The following NLN variants were observed in gnomAD, a reference collection of about 807,000 sequenced individuals.
NLN encodes the protein neurolysin, mitochondrial.
NLN carries 64 observed loss-of-function variants against 79.9 expected under a neutral mutation model. The observed-to-expected ratio is 0.80, with a 90% CI of 0.65 to 0.99. The LOEUF (loss-of-function observed/expected upper bound fraction) is 0.99. Among genes scored for constraint, NLN ranks in the 50% least tolerant of loss-of-function variants. The probability of loss-of-function intolerance (pLI) is 0.00; values close to 1 mark genes in which losing one functional copy is unlikely to be tolerated. For missense variants in NLN, 835 were observed against 858.7 expected (o/e 0.97, Z 0.34); for synonymous variants, 267 against 296.6 (o/e 0.90, Z 1.02).
chr5:65,747,415 G>A (rs1759005589), intron 1 of NLN, among the ~76,000 whole-genome samples: 1 of 152,182 alleles, frequency 6.6e-6, no homozygotes, highest in African/African-American at 2.4e-5. Context: ...CCTGCTATGA[G>A]AATAGAGAAG....
chr5:65,726,417 A>G lies in NLN; in HGVS notation c.41+4003A>G, dbSNP rs532701722. Among the ~76,000 whole-genome samples, 11 of 152,344 alleles carry G rather than the reference A, an allele frequency of 7.2e-5. No homozygotes were observed. In the South Asian group the frequency reaches 1.9e-3, roughly 26 times the overall value. On this transcript the variant is annotated intron_variant, in intron 1 of 12. Transcript: ENST00000380985. Reference sequence around the variant, plus strand: ...AGTATAGTTTGGTGTCATTGCCTCAATTTGTGCTGAAGTACCAACAGTATT... The same window carrying G: ...AGTATAGTTTGGTGTCATTGCCTCAGTTTGTGCTGAAGTACCAACAGTATT...
chr5:65,732,521 T>C (rs1344784111), intron 1 of NLN, among the ~76,000 whole-genome samples: 131 of 140,462 alleles, frequency 9.3e-4, no homozygotes, highest in South Asian at 2.2e-3. Context: ...TCTCTAATTC[T>C]CTGTCTGTAA....
chr5:65,810,290 A>G, intron 11 of NLN, 125 bp downstream of exon 11: 1 of 835,858 alleles, frequency 1.2e-6, no homozygotes, highest in Middle Eastern at 2.3e-4. Context: ...TAATCAGGCC[A>G]TGACTTTCAG....
chr5:65,809,689 C>A lies in NLN; in HGVS notation c.1702C>A (p.Leu568Met), dbSNP rs759369987. Residue 568 changes from leucine to methionine, a missense_variant, in exon 10 of 13, where the codon CTG becomes ATG. By Grantham distance (15) the Leu-to-Met change is conservative (BLOSUM62 2). Coordinates refer to ENST00000380985, the MANE Select transcript of NLN (RefSeq NM_020726.5). Reference sequence around the variant, plus strand: ...GCTTGAAAAACTTGTTGCTTCTAGGCTGGTCAACACAGGTATGACTTCTAA... The same window carrying A: ...GCTTGAAAAACTTGTTGCTTCTAGGATGGTCAACACAGGTATGACTTCTAA... ...DLLEKLVASR[L>M]VNTGLLTLRQ... 4 of 1,599,246 alleles carry A rather than the reference C, an allele frequency of 2.5e-6. No homozygotes were observed. Among genetic ancestry groups the A allele is most frequent in the Non-Finnish European group, 3.4e-6 (4 of 1,175,284 alleles).
intron 11 of NLN, among the ~76,000 whole-genome samples, chr5:65,810,748 G>A (rs1760526936): frequency 6.6e-6 from 1 of 152,144 alleles, no homozygotes; most frequent in Non-Finnish European, 1.5e-5. Context: ...GGGAGGCTGA[G>A]GCAGGAAGAT....
chr5:65,801,199 A>G (rs552052190), intron 9 of NLN, among the ~76,000 whole-genome samples: 2 of 152,360 alleles, frequency 1.3e-5, no homozygotes, highest in Non-Finnish European at 2.9e-5. Context: ...TGGGAAATAC[A>G]TTAGCATCAA....
chr5:65,810,082 C>A lies in NLN; in HGVS notation c.1760C>A (p.Ser587Tyr). Reference sequence around the variant, plus strand: ...ATTGTTTTGAGCAAAGTTGATCAGTCTCTTCATACCAACACATCGCTGGAT... The same window carrying A: ...ATTGTTTTGAGCAAAGTTGATCAGTATCTTCATACCAACACATCGCTGGAT... The part of the protein sequence containing the change: ...RQIVLSKVDQ[S>Y]LHTNTSLDAA... Residue 587 changes from serine to tyrosine, a missense_variant, in exon 11 of 13, where the codon TCT becomes TAT. Coordinates refer to ENST00000380985, the MANE Select transcript of NLN (RefSeq NM_020726.5). The A allele has an allele frequency of 6.2e-7, 1 of 1,613,954 alleles. No homozygotes were observed. The highest frequency in any genetic ancestry group is 1.1e-5 in the South Asian group (1 of 91,080).
chr5:65,802,938 G>C (rs1277661582), intron 9 of NLN, among the ~76,000 whole-genome samples: 1 of 152,108 alleles, frequency 6.6e-6, no homozygotes, highest in African/African-American at 2.4e-5. Context: ...GAGACCCTGG[G>C]ATATGTAGCT....
At chr5:65,809,254 T>C (rs1247366202) in intron 9 of NLN, 1 of 327,496 alleles carries the variant, frequency 3.1e-6, no homozygotes, top group Non-Finnish European at 5.5e-6. Context: ...TCAGTTCTGG[T>C]TTTCTGATGA....
chr5:65,811,496 GC>G (rs1760543854), intron 11 of NLN, among the ~76,000 whole-genome samples: 1 of 151,710 alleles, frequency 6.6e-6, no homozygotes, highest in Admixed American at 6.6e-5. Flanking sequence ...ATATAAAGTA[GC>G]CCTACAGGTA....
chr5:65,729,461 G>A (rs1001930369), intron 1 of NLN, among the ~76,000 whole-genome samples: 1 of 138,900 alleles, frequency 7.2e-6, no homozygotes, highest in African/African-American at 2.7e-5. Context: ...TGCAACCTCC[G>A]CCTCCTGGGT....
rs144525812 is a variant in NLN at position 65,788,383 on chromosome 5, G to A, written c.1224G>A (p.Met408Ile). ...TGTTGGGACTTTCATTTGAACAAAT[G>A]ACAGATGCTCATGTTTGGAACAAGA... ...QELLGLSFEQ[M>I]TDAHVWNKSV... Residue 408 changes from methionine (M) to isoleucine (I), a missense_variant, in exon 8 of 13, where the codon ATG becomes ATA. Met to Ile is a conservative substitution (Grantham distance 10, BLOSUM62 1). Transcript: ENST00000380985. 511 of 1,614,152 alleles carry A rather than the reference G, an allele frequency of 3.2e-4. No individual in the cohort carries two copies. The highest frequency in any genetic ancestry group is 4.1e-4 in the Non-Finnish European group (489 of 1,180,008).
rs1198458662 is a variant in NLN, at chr5:65,823,119, G to A, written c.*204G>A. ...AGAAAAGACCCACTAGAAAGTAATT[G>A]TACTATAAAATTTCATAAAACTGGA... On this transcript the variant is annotated 3_prime_UTR_variant, in exon 13 of 13. Transcript: ENST00000380985. 1 of 448,700 alleles carries A rather than the reference G, an allele frequency of 2.2e-6. No homozygotes were observed. Among genetic ancestry groups the A allele is most frequent in the Non-Finnish European group, 3.9e-6 (1 of 254,574 alleles). The allele number at this position is 448,700 out of a possible 1,614,324, so 27.8% of individuals were successfully genotyped here. A position where few individuals can be genotyped will look rare whatever the true frequency, so the allele number is the denominator to read the frequency against.
chr5:65,728,937 G>A (rs555112659), intron 1 of NLN, among the ~76,000 whole-genome samples: 9 of 152,182 alleles, frequency 5.9e-5, no homozygotes, highest in South Asian at 2.1e-4. Flanking sequence ...TCGACCTCCC[G>A]GGCTCAAACG....
In NLN at chr5:65,788,054, G is replaced by T. The variant is rs904480874; in HGVS notation, c.959-64G>T. The T allele has an allele frequency of 4.7e-6, 7 of 1,499,020 alleles. No individual in the cohort carries two copies. In the Admixed American group the frequency reaches 9.6e-5, roughly 21 times the overall value. The allele number at this position is 1,499,020 out of a possible 1,614,324, so 92.9% of individuals were successfully genotyped here. ...GGAAGCACCATGCTAAAACACAGGT[G>T]GTATTTATGAGTATGCTTGCTTCCA... On this transcript the variant is annotated intron_variant, in intron 7 of 12. Transcript: ENST00000380985.
intron 3 of NLN, among the ~76,000 whole-genome samples, chr5:65,774,729 A>ATAT (rs1243012098): frequency 2.9e-5 from 4 of 135,602 alleles, no homozygotes; most frequent in Non-Finnish European, 6.5e-5. Context: ...ATATATATAT[A>ATAT]TTTTTTTTTT....
At chr5:65,794,390 C>T (rs575573546) in intron 9 of NLN, among the ~76,000 whole-genome samples, 7 of 152,024 alleles carry the variant, frequency 4.6e-5, no homozygotes, top group South Asian at 2.1e-4. Flanking sequence ...GGCGGCAGAT[C>T]GCCTGAGCTC....
rs542597685 is a variant in NLN, at chr5:65,746,171, G to T, written c.42-12396G>T. On this transcript the variant is annotated intron_variant, in intron 1 of 12. Transcript: ENST00000380985. ...CAAGATGAAAAGAAAAGAGGCCATA[G>T]AACTGAATCCTGAAGAGCTCTAAGG... Among the ~76,000 whole-genome samples, 7 of 152,144 alleles carry T rather than the reference G, an allele frequency of 4.6e-5. No individual in the cohort carries two copies. The South Asian group carries it at 1.5e-3, about 32-fold the overall frequency.
chr5:65,725,444 A>C (rs1758447573), intron 1 of NLN, among the ~76,000 whole-genome samples: 1 of 152,162 alleles, frequency 6.6e-6, no homozygotes, highest in African/African-American at 2.4e-5. Context: ...ATGGATGTTG[A>C]ATCCATGCCT....
Sources: gnomAD v4.1 joint callset for allele counts (sites outside exome capture counted in the v4.1 genomes callset) on GRCh38, gnomAD v4.1.1 for gene constraint, MANE v1.5 for transcripts, NCBI Gene and HGNC (gene_info 2026-07-23, HGNC 2026-07-21) for gene names.